ADGRV1: variants seen among roughly 807,000 people sequenced by gnomAD.
ADGRV1 encodes the protein G-protein coupled receptor 98.
ADGRV1 carries 359 observed loss-of-function variants against 596.2 expected under a neutral mutation model. The observed-to-expected ratio is 0.60, with a 90% CI of 0.55 to 0.66. ADGRV1 has a LOEUF of 0.66. ADGRV1 is among the 30% of genes least tolerant of loss of function. The pLI is 0.00. For synonymous variants in ADGRV1, 2,681 were observed against 2,679.2 expected (o/e 1.00, Z -0.02); for missense variants, 7,274 against 7,575.6 (o/e 0.96, Z 1.48).
chr5:90,828,959 G>C lies in ADGRV1; in HGVS notation c.16384G>C (p.Val5462Leu), dbSNP rs1326438360. The stretch of plus-strand genomic sequence containing the variant: ...TCATTGTCAGGTACCACAGGTTGAA[G>C]TGTATTTTTTTGTGGAACTATATGA... ...LKPEKVPQVE[V>L]YFFVELYEAT... Residue 5462 changes from valine (V) to leucine (L), a missense_variant, in exon 77 of 90, where the codon GTG becomes CTG. Around this residue, in one of 5 missense-constraint regions of ADGRV1, gnomAD observed 1,874 missense variants for 1,970.2 expected, o/e 0.95. Coordinates refer to ENST00000405460, the MANE Select transcript of ADGRV1 (RefSeq NM_032119.4). 7 of 1,578,396 alleles carry C rather than the reference G, an allele frequency of 4.4e-6. 1 individual carries two copies. The highest frequency in any genetic ancestry group is 6.0e-6 in the Non-Finnish European group (7 of 1,158,626).
intron 69 of ADGRV1, 40 bp from the exon 70 acceptor site, chr5:90,790,833 G>T: frequency 7.4e-7 from 1 of 1,352,626 alleles, no homozygotes; most frequent in Non-Finnish European, 1.0e-6. Context: ...GCAATATACT[G>T]AATTATATAA....
In ADGRV1 at chr5:91,150,212, T is replaced by C; in HGVS notation, c.18615T>C (p.Ala6205=). ...ISKSTQNLIG[A]MEEVPPDWER... ...AGTCCACCCAGAATCTCATCGGTGC[T>C]ATGGAGGAGGTGTCTGCCCTTGCCC... is the stretch of plus-strand genomic sequence containing the variant. The change falls in exon 88 of 90, where the codon GCT becomes GCC. Residue 6205 remains alanine, a synonymous_variant. Transcript: ENST00000405460. 1 of 1,571,084 alleles carries C rather than the reference T, an allele frequency of 6.4e-7. No individual in the cohort carries two copies. Among genetic ancestry groups the C allele is most frequent in the Non-Finnish European group, 8.6e-7 (1 of 1,158,640 alleles).
intron 72 of ADGRV1, among the ~76,000 whole-genome samples, chr5:90,806,397 GT>G (rs1761905508): frequency 6.6e-6 from 1 of 152,050 alleles, no homozygotes; most frequent in Admixed American, 6.5e-5. Context: ...GTCTCCTCTT[GT>G]TTTCCTTTTG....
At chr5:91,035,868 T>TATATATATATATA (rs1784861226) in intron 85 of ADGRV1, among the ~76,000 whole-genome samples, 3 of 121,580 alleles carry the variant, frequency 2.5e-5, no homozygotes, top group Admixed American at 8.2e-5. Context: ...ATATTATATA[T>TATATATATATATA]ATATATATAT....
Position 91,150,009 on chromosome 5 carries a change from CTTTTTT to C in ADGRV1, c.18433-10_18433-5del. The C allele has an allele frequency of 7.8e-7, 1 of 1,288,636 alleles. No homozygotes were observed. The highest frequency in any genetic ancestry group is 1.0e-6 in the Non-Finnish European group (1 of 973,760). The allele number at this position is 1,288,636 out of a possible 1,614,324, so 79.8% of individuals were successfully genotyped here. On this transcript the variant is annotated splice_polypyrimidine_tract_variant and intron_variant, in intron 87 of 89. Coordinates refer to ENST00000405460, the MANE Select transcript of ADGRV1 (RefSeq NM_032119.4). The stretch of plus-strand genomic sequence containing the variant: ...GTTCTTTTTCTTTTTCTTTTCTTTT[CTTTTTT>C]TTTTTTTTTTGCAGGGACTTTATGT...
At chr5:90,559,381 A>G (rs1403596347) in intron 1 of ADGRV1, among the ~76,000 whole-genome samples, 1 of 152,188 alleles carries the variant, frequency 6.6e-6, no homozygotes, top group African/African-American at 2.4e-5. Context: ...TTGTGTTCCA[A>G]AATAACCACT....
At chr5:90,825,125 C>CG (rs1213972796) in intron 76 of ADGRV1, among the ~76,000 whole-genome samples, 8 of 152,030 alleles carry the variant, frequency 5.3e-5, no homozygotes, top group Non-Finnish European at 4.4e-5. Flanking sequence ...TTAGTAGAGA[C>CG]GGGGTTTCAC....
At chr5:91,048,671 C>G (rs1301714969) in intron 85 of ADGRV1, among the ~76,000 whole-genome samples, 1 of 152,154 alleles carries the variant, frequency 6.6e-6, no homozygotes, top group Non-Finnish European at 1.5e-5. Flanking sequence ...CTTTCTTTCT[C>G]TCTTTCCTTT....
intron 45 of ADGRV1, among the ~76,000 whole-genome samples, chr5:90,724,265 T>C (rs78971704): frequency 0.03 from 4,554 of 152,268 alleles, 91 homozygotes; most frequent in Non-Finnish European, 0.046. Context: ...GGTCTGGCCA[T>C]GTCACCCAAG....
At chr5:90,618,437 C>T (rs372469145) in intron 3 of ADGRV1, among the ~76,000 whole-genome samples, 66 of 152,226 alleles carry the variant, frequency 4.3e-4, no homozygotes, top group African/African-American at 1.4e-3. Flanking sequence ...GGCAATGACT[C>T]GCTAACACCA....
chr5:90,820,615 T>G (rs1763391352), intron 75 of ADGRV1, among the ~76,000 whole-genome samples: 1 of 151,388 alleles, frequency 6.6e-6, no homozygotes, highest in Non-Finnish European at 1.5e-5. Flanking sequence ...GGCCTGGTGG[T>G]GACAAAATCT....
intron 76 of ADGRV1, among the ~76,000 whole-genome samples, chr5:90,825,163 A>G (rs1002981096): frequency 6.6e-6 from 1 of 152,048 alleles, no homozygotes; most frequent in African/African-American, 2.4e-5. Context: ...TCTGGAACTT[A>G]TAGCCTCAAG....
chr5:90,884,662 G>T (rs1014969593), intron 83 of ADGRV1, among the ~76,000 whole-genome samples: 2 of 151,974 alleles, frequency 1.3e-5, no homozygotes, highest in East Asian at 3.9e-4. Context: ...TTTGTGACTC[G>T]AACCAAACTA....
chr5:91,014,949 C>T (rs532941422), intron 85 of ADGRV1, among the ~76,000 whole-genome samples: 1 of 151,902 alleles, frequency 6.6e-6, no homozygotes, highest in Non-Finnish European at 1.5e-5. Flanking sequence ...TCTTGCTTCT[C>T]TAATATTTGA....
chr5:90,761,869 T>A (rs73772488), intron 58 of ADGRV1, among the ~76,000 whole-genome samples: 4,939 of 152,318 alleles, frequency 0.032, 117 homozygotes, highest in South Asian at 0.12. Context: ...ACTTTTTTCC[T>A]TGCTTATATC....
At position 90,651,730 on chromosome 5, in the gene ADGRV1, G is replaced by A; in HGVS notation, c.3416G>A (p.Trp1139Ter). Residue 1139 changes from tryptophan (W) to a stop codon, truncating the protein, a stop_gained and splice_region_variant, in exon 18 of 90, where the codon TGG becomes TAG. Coordinates refer to ENST00000405460, the MANE Select transcript of ADGRV1 (RefSeq NM_032119.4). LOFTEE classifies it high-confidence loss of function. ...GAAGAAGGAAAGACTAATGCATTTTGGTAAGCATATGTAGATAAGGCAAGT... is the reference window on the plus strand; with the variant it reads ...GAAGAAGGAAAGACTAATGCATTTTAGTAAGCATATGTAGATAAGGCAAGT... ...AVEEGKTNAF[W>*]ILRHRGYFGS... 6.2e-7 allele frequency: 1 copy of A among 1,603,228 alleles called. No individual in the cohort carries two copies. Among genetic ancestry groups the A allele is most frequent in the South Asian group, 1.1e-5 (1 of 90,512 alleles).
At chr5:90,962,876 A>T (rs1452350168) in intron 83 of ADGRV1, among the ~76,000 whole-genome samples, 1 of 152,226 alleles carries the variant, frequency 6.6e-6, no homozygotes. Flanking sequence ...TGGATGTTAA[A>T]ACTATTCTGA....
intron 19 of ADGRV1, 35 bp downstream of exon 19, chr5:90,652,598 T>C (rs1225908733): frequency 1.1e-5 from 15 of 1,351,230 alleles, no homozygotes; most frequent in Non-Finnish European, 9.2e-6. Flanking sequence ...TTTATTTCCA[T>C]GTCTTATTTA....
At chr5:90,778,156 G>A (rs1758449718) in intron 62 of ADGRV1, 113 bp downstream of exon 62, 1 of 1,230,596 alleles carries the variant, frequency 8.1e-7, no homozygotes, top group Non-Finnish European at 1.1e-6. Context: ...GTTAGAAGTG[G>A]GGGATGGGGA....
Sources: gnomAD v4.1 joint callset for allele counts (sites outside exome capture counted in the v4.1 genomes callset) on GRCh38, gnomAD v4.1.1 for gene constraint, gnomAD v4.1.1 regional missense constraint, MANE v1.5 for transcripts, NCBI Gene and HGNC (gene_info 2026-07-23, HGNC 2026-07-21) for gene names.